The following EXTL3 variants were observed in gnomAD, a reference collection of about 807,000 sequenced individuals.
EXTL3 encodes the protein exostosin-like 3.
In EXTL3, 27 loss-of-function variants were observed where a neutral mutation model predicts 69.3. The ratio of observed to expected loss-of-function variants is 0.39; its 90% CI spans 0.29 to 0.54. EXTL3 has a LOEUF of 0.54. EXTL3 is among the 20% of genes least tolerant of loss of function. The probability of loss-of-function intolerance (pLI) is 0.69; values close to 1 mark genes in which losing one functional copy is unlikely to be tolerated. For missense variants in EXTL3, 1,003 were observed against 1,231.8 expected (o/e 0.81, Z 2.78); for synonymous variants, 511 against 499.4 (o/e 1.02, Z -0.31).
At chr8:28,660,026 GT>G in intron 1 of EXTL3, among the ~76,000 whole-genome samples, 1 of 152,176 alleles carries the variant, frequency 6.6e-6, no homozygotes, top group Non-Finnish European at 1.5e-5. Context: ...GTAAGGATAT[GT>G]TTTACAGAAT....
intron 5 of EXTL3, 152 bp from the exon 6 acceptor site, chr8:28,742,934 T>C: frequency 1.3e-6 from 1 of 788,594 alleles, no homozygotes; most frequent in East Asian, 2.5e-5. Flanking sequence ...CGACAGGATG[T>C]CTCGAATCCC....
intron 2 of EXTL3, among the ~76,000 whole-genome samples, chr8:28,611,058 G>A (rs911211302): frequency 5.3e-5 from 8 of 152,130 alleles, no homozygotes. Flanking sequence ...GTTTGATGCT[G>A]TTCTACTGTA....
In EXTL3 at chr8:28,623,743, ATTTTAC is replaced by A. The variant is rs942319206; in HGVS notation, c.-53+936_-53+941del. Among the ~76,000 whole-genome samples, 24 of 152,192 alleles carry A rather than the reference ATTTTAC, an allele frequency of 1.6e-4. No homozygotes were observed. The highest frequency in any genetic ancestry group is 5.8e-4 in the African/African-American group (24 of 41,450). On this transcript the variant is annotated intron_variant, in intron 1 of 6. Transcript: ENST00000523149. This position sits in a 1 kb window ranked among gnomAD's most constrained non-coding sequence, Gnocchi z 4.2. ...CATTCCCATAAATACGAATTGGTTGATTTTACTTGTGAACTCCTTTAGGCATTTAGT... is the reference window on the plus strand; with the variant it reads ...CATTCCCATAAATACGAATTGGTTGATTGTGAACTCCTTTAGGCATTTAGT...
intron 1 of EXTL3, among the ~76,000 whole-genome samples, chr8:28,677,354 C>G (rs543623775): frequency 6.6e-6 from 1 of 152,072 alleles, no homozygotes; most frequent in Non-Finnish European, 1.5e-5. Context: ...TCTGACTCCC[C>G]CACTGTGCCT....
intron 1 of EXTL3, among the ~76,000 whole-genome samples, chr8:28,688,172 C>T (rs1371590576): frequency 1.3e-5 from 2 of 151,872 alleles, no homozygotes; most frequent in Non-Finnish European, 2.9e-5. Context: ...AGCAATTCTC[C>T]TGTCTCAGCC....
In EXTL3 at chr8:28,716,331, A is replaced by G. The variant is rs780460600; in HGVS notation, c.272A>G (p.Glu91Gly). Residue 91 changes from glutamate (E) to glycine (G), a missense_variant, in exon 3 of 7, where the codon GAA becomes GGA. Around this residue, in one of 2 missense-constraint regions of EXTL3, gnomAD observed 742 missense variants for 815.4 expected, o/e 0.91. Coordinates refer to ENST00000220562, the MANE Select transcript of EXTL3 (RefSeq NM_001440.4). This position sits in a 1 kb window ranked among gnomAD's most constrained non-coding sequence, Gnocchi z 7.1. ...DLCRIRESVS[E>G]ELLQLEAKRQ... ...TGCCGCATCCGGGAGTCGGTGAGTG[A>G]AGAGCTCCTGCAGCTGGAGGCCAAG... The G allele has an allele frequency of 6.2e-7, 1 of 1,614,148 alleles. No individual in the cohort carries two copies. Among genetic ancestry groups the G allele is most frequent in the African/African-American group, 1.3e-5 (1 of 75,038 alleles).
chr8:28,716,570 C>G lies in EXTL3; in HGVS notation c.511C>G (p.Pro171Ala), dbSNP rs1801153444. The G allele has an allele frequency of 5.0e-6, 8 of 1,614,108 alleles. No individual in the cohort carries two copies. Among genetic ancestry groups the G allele is most frequent in the Admixed American group, 1.7e-5 (1 of 60,012 alleles). ...PEKDDAGLPP[P>A]KATRGCRLHN... Reference sequence around the variant, plus strand: ...GAAGGACGATGCCGGCCTCCCTCCCCCGAAGGCCACTCGGGGCTGCCGGCT... The same window carrying G: ...GAAGGACGATGCCGGCCTCCCTCCCGCGAAGGCCACTCGGGGCTGCCGGCT... Residue 171 changes from proline (P) to alanine (A), a missense_variant, in exon 3 of 7, where the codon CCG (proline) becomes GCG (alanine). Coordinates refer to ENST00000220562, the MANE Select transcript of EXTL3 (RefSeq NM_001440.4). This position sits in a 1 kb window ranked among gnomAD's most constrained non-coding sequence, Gnocchi z 7.1.
chr8:28,737,555 C>T lies in EXTL3; in HGVS notation c.2313C>T (p.Phe771=), dbSNP rs375444536. ...WREARDRIVG[F]PGRYHAWDIP... is the part of the protein sequence containing the mutation. ...AAGCTCGGGACCGCATCGTGGGCTT[C>T]CCTGGCCGTTACCACGCATGGGACA... The change falls in exon 5 of 7, where the codon TTC becomes TTT. Residue 771 remains phenylalanine (F), a synonymous_variant. Coordinates refer to ENST00000220562, the MANE Select transcript of EXTL3 (RefSeq NM_001440.4). 1.2e-5 allele frequency: 20 copies of T among 1,614,036 alleles called. No individual in the cohort carries two copies. The African/African-American group carries it at 2.5e-4, about 20-fold the overall frequency.
At chr8:28,628,407 C>T (rs1004901006) in intron 1 of EXTL3, among the ~76,000 whole-genome samples, 3 of 151,594 alleles carry the variant, frequency 2.0e-5, no homozygotes, top group Non-Finnish European at 2.9e-5. Flanking sequence ...GGGTGGCTCA[C>T]GCCTGTAATC....
At chr8:28,643,508 G>A (rs941417219) in intron 1 of EXTL3, among the ~76,000 whole-genome samples, 6 of 149,114 alleles carry the variant, frequency 4.0e-5, no homozygotes, top group South Asian at 2.1e-4. Context: ...TCTGCCTCCC[G>A]GGTTTACGCC....
At chr8:28,622,617 C>CG (rs1183637254), upstream of EXTL3, 7 of 45,984 alleles carry the variant, frequency 1.5e-4, no homozygotes, top group African/African-American at 4.4e-4. Flanking sequence ...GCGGGGTATT[C>CG]GGGGGGCGGA....
At chr8:28,651,892 C>T (rs1361689977) in intron 1 of EXTL3, among the ~76,000 whole-genome samples, 4 of 152,178 alleles carry the variant, frequency 2.6e-5, no homozygotes, top group Admixed American at 1.3e-4. Flanking sequence ...TACGAATTTG[C>T]GTCTCTTCCT....
intron 1 of EXTL3, chr8:28,631,508 C>A (rs978734870): frequency 1.3e-5 from 2 of 152,178 alleles, no homozygotes; most frequent in Admixed American, 1.3e-4. Context: ...GAAATAAGAG[C>A]TAAGTGGTCC....
intron 4 of EXTL3, 98 bp downstream of exon 4, chr8:28,731,448 C>T (rs548607826): frequency 1.5e-6 from 2 of 1,307,158 alleles, no homozygotes; most frequent in Non-Finnish European, 2.2e-6. Context: ...TAACTGAGAA[C>T]CCCTTGCAGA....
chr8:28,720,667 G>A (rs766861464), intron 3 of EXTL3, among the ~76,000 whole-genome samples: 16 of 152,198 alleles, frequency 1.1e-4, no homozygotes, highest in Admixed American at 9.2e-4. Flanking sequence ...CAAATGGGAT[G>A]GTGGCGGGGC....
Position 28,702,325 on chromosome 8 carries a change from C to T in EXTL3, c.-570+666C>T, listed in dbSNP as rs1800825744. ...CCCAGCTCCCCTAGAGCCGGCCTCG[C>T]GCTGCACGGGCTGGACCGGACAGGG... is the stretch of plus-strand genomic sequence containing the variant. On this transcript the variant is annotated intron_variant, in intron 1 of 6. Coordinates refer to ENST00000220562, the MANE Select transcript of EXTL3 (RefSeq NM_001440.4). Among the ~76,000 whole-genome samples the T allele has an allele frequency of 3.9e-5, 6 of 152,330 alleles. No individual in the cohort carries two copies. In the South Asian group the frequency reaches 1.2e-3, roughly 32 times the overall value.
At chr8:28,642,998 C>A (rs1322259076) in intron 1 of EXTL3, among the ~76,000 whole-genome samples, 1 of 152,020 alleles carries the variant, frequency 6.6e-6, no homozygotes, top group Non-Finnish European at 1.5e-5. Context: ...AATCCCAGCA[C>A]TTTGGGAGAC....
At chr8:28,723,296 C>G (rs4732650) in intron 3 of EXTL3, among the ~76,000 whole-genome samples, 39,395 of 152,022 alleles carry the variant, frequency 0.26, 5,167 homozygotes, top group Middle Eastern at 0.33. Context: ...CTGGGTGGTT[C>G]GTCTTTCTCT....
intron 1 of EXTL3, among the ~76,000 whole-genome samples, chr8:28,625,777 GT>G (rs1321514440): frequency 6.6e-6 from 1 of 152,034 alleles, no homozygotes; most frequent in Non-Finnish European, 1.5e-5. Flanking sequence ...GAAAAAATCA[GT>G]GCCTGAAATT....
Sources: gnomAD v4.1 joint callset for allele counts (sites outside exome capture counted in the v4.1 genomes callset) on GRCh38, gnomAD v4.1.1 for gene constraint, gnomAD v4.1.1 regional missense constraint, Gnocchi (gnomAD v3.1) non-coding constraint, MANE v1.5 for transcripts, NCBI Gene and HGNC (gene_info 2026-07-23, HGNC 2026-07-21) for gene names.